The following ADGRL4 variants were observed in gnomAD, a reference collection of about 807,000 sequenced individuals.
ADGRL4 encodes the protein adhesion G protein-coupled receptor L4.
In ADGRL4, 90 loss-of-function variants were observed where a neutral mutation model predicts 74.8. That is an observed-to-expected ratio of 1.20 (90% CI 1.02 to 1.43). ADGRL4 has a LOEUF of 1.43. Among genes scored for constraint, ADGRL4 ranks in the 40% most tolerant of loss-of-function variants. The pLI is 0.00. For missense variants in ADGRL4, 881 were observed against 814.3 expected, an observed-to-expected ratio of 1.08 and a Z score of -1.00; for synonymous variants, 311 against 279.2, an observed-to-expected ratio of 1.11 and a Z score of -1.14.
intron 2 of ADGRL4, among the ~76,000 whole-genome samples, chr1:78,959,211 G>C (rs1312430121): frequency 3.9e-5 from 6 of 152,018 alleles, no homozygotes; most frequent in African/African-American, 1.4e-4. Flanking sequence ...ATATCTCTGA[G>C]GTATGCCTTT....
At chr1:78,989,779 T>G (rs1420734364) in intron 2 of ADGRL4, among the ~76,000 whole-genome samples, 1 of 151,994 alleles carries the variant, frequency 6.6e-6, no homozygotes, top group African/African-American at 2.4e-5. Flanking sequence ...ATGTAACAGT[T>G]ATCACTTATT....
intron 2 of ADGRL4, among the ~76,000 whole-genome samples, chr1:78,961,220 C>G (rs1321992719): frequency 6.6e-6 from 1 of 151,640 alleles, no homozygotes; most frequent in South Asian, 2.1e-4. Flanking sequence ...TAGCTGGGTG[C>G]CAACCTCTGA....
intron 2 of ADGRL4, among the ~76,000 whole-genome samples, chr1:78,974,954 G>C (rs1481859731): frequency 6.6e-6 from 1 of 152,096 alleles, no homozygotes; most frequent in African/African-American, 2.4e-5. Context: ...TAGTTTTTGA[G>C]AATTAAGGAA....
chr1:78,960,341 A>G (rs1046560175), intron 2 of ADGRL4, among the ~76,000 whole-genome samples: 3 of 152,168 alleles, frequency 2.0e-5, no homozygotes, highest in African/African-American at 7.2e-5. Context: ...ATCTAAAATT[A>G]TCACACAAAC....
At chr1:78,938,305 G>A (rs906178277) in intron 4 of ADGRL4, 26 bp from the exon 5 acceptor site, 46 of 1,523,666 alleles carry the variant, frequency 3.0e-5, no homozygotes, top group Non-Finnish European at 3.8e-5. Flanking sequence ...TCCAGAAAAA[G>A]GAAACTAAAT....
At chr1:78,905,261 T>C (rs1004006823) in intron 12 of ADGRL4, among the ~76,000 whole-genome samples, 2 of 152,070 alleles carry the variant, frequency 1.3e-5, no homozygotes, top group African/African-American at 4.8e-5. Flanking sequence ...TGGGGTAGAA[T>C]TGTAATTTGT....
chr1:78,929,110 C>A (rs1394319047), intron 7 of ADGRL4, among the ~76,000 whole-genome samples: 1 of 151,462 alleles, frequency 6.6e-6, no homozygotes, highest in Non-Finnish European at 1.5e-5. Flanking sequence ...TAACAAAAGT[C>A]TATTATCTTT....
Position 78,977,073 on chromosome 1 carries a change from T to C in ADGRL4, c.172+27997A>G, listed in dbSNP as rs555687516. 5.3e-5 allele frequency among the ~76,000 whole-genome samples: 8 copies of C among 151,806 alleles called. No individual in the cohort carries two copies. In the South Asian group the frequency reaches 8.3e-4, roughly 16 times the overall value. On this transcript the variant is annotated intron_variant, in intron 2 of 14. Coordinates refer to ENST00000370742, the MANE Select transcript of ADGRL4 (RefSeq NM_022159.4). ...TACATACAAAGCACCATGACTAAGTTGGGTTTATCTCAAGGGTGTTAGCAT... is the reference window on the plus strand; with the variant it reads ...TACATACAAAGCACCATGACTAAGTCGGGTTTATCTCAAGGGTGTTAGCAT...
rs1279544174 is a variant in ADGRL4, at chr1:79,006,676, C to A, written c.-22G>T. 1 of 1,486,498 alleles carries A rather than the reference C, an allele frequency of 6.7e-7. No homozygotes were observed. The highest frequency in any genetic ancestry group is 8.9e-7 in the Non-Finnish European group (1 of 1,120,148). The allele number at this position is 1,486,498 out of a possible 1,614,324, so 92.1% of individuals were successfully genotyped here. The stretch of plus-strand genomic sequence containing the variant: ...TCATTGGCGGTGGCCGCAGTGGTGG[C>A]GGTGGCGGAGAGCGCGGCGGAGTGA... On this transcript the variant is annotated 5_prime_UTR_variant, in exon 1 of 15. Transcript: ENST00000370742.
chr1:78,960,853 C>T (rs966514877), intron 2 of ADGRL4, among the ~76,000 whole-genome samples: 1 of 152,080 alleles, frequency 6.6e-6, no homozygotes, highest in Admixed American at 6.5e-5. Context: ...GTGCTTTGAT[C>T]GTAGACTTTA....
At chr1:78,960,056 A>G (rs1024786775) in intron 2 of ADGRL4, among the ~76,000 whole-genome samples, 9 of 152,220 alleles carry the variant, frequency 5.9e-5, no homozygotes, top group African/African-American at 1.7e-4. Flanking sequence ...CTGCAGTTTA[A>G]GAAGTGAAAC....
intron 8 of ADGRL4, among the ~76,000 whole-genome samples, chr1:78,925,203 G>A (rs1284725064): frequency 6.6e-6 from 1 of 151,998 alleles, no homozygotes; most frequent in African/African-American, 2.4e-5. Context: ...GAGGAAGGCT[G>A]CAGGGGCTTG....
chr1:78,896,882 C>T (rs1648410505), intron 12 of ADGRL4, among the ~76,000 whole-genome samples: 3 of 152,152 alleles, frequency 2.0e-5, no homozygotes, highest in Non-Finnish European at 4.4e-5. Context: ...TTGACCACTT[C>T]ACTCCACTCA....
chr1:78,935,297 C>G (rs1169978041), intron 7 of ADGRL4, among the ~76,000 whole-genome samples: 1 of 152,080 alleles, frequency 6.6e-6, no homozygotes, highest in Non-Finnish European at 1.5e-5. Context: ...AGCAAACTAA[C>G]ACAGGAACAG....
At chr1:78,992,812 T>C (rs569194462) in intron 2 of ADGRL4, among the ~76,000 whole-genome samples, 37 of 152,232 alleles carry the variant, frequency 2.4e-4, no homozygotes, top group African/African-American at 7.9e-4. Context: ...AGCTATATAA[T>C]ATATACTGTA....
Position 78,939,233 on chromosome 1 carries a change from T to G in ADGRL4, c.351A>C (p.Leu117Phe), listed in dbSNP as rs1406499696. The change falls in exon 4 of 15, where the codon TTA becomes TTC. Residue 117 changes from leucine to phenylalanine, a missense_variant. Transcript: ENST00000370742. Reference protein sequence around the residue: ...CIENVNANCHLDNVCIAANIN... With the variant: ...CIENVNANCHFDNVCIAANIN... ...TATTTGCAGCTATACAGACATTATC[T>G]AAATGGCAGTTTGCATTCACATTTT... 6.4e-7 allele frequency: 1 copy of G among 1,566,870 alleles called. No individual in the cohort carries two copies. Among genetic ancestry groups the G allele is most frequent in the African/African-American group, 1.4e-5 (1 of 72,946 alleles).
In ADGRL4 at chr1:78,920,277, T is replaced by G; in HGVS notation, c.1367A>C (p.Gln456Pro). The change falls in exon 10 of 15, where the codon CAA becomes CCA. Residue 456 changes from glutamine (Q) to proline (P), a missense_variant. Coordinates refer to ENST00000370742, the MANE Select transcript of ADGRL4 (RefSeq NM_022159.4). Reference sequence around the variant, plus strand: ...TTTGTGAATTGTTGTCCTGGTGCTTTGAATTTCACTGAAGAACCAGAAGGT... The same window carrying G: ...TTTGTGAATTGTTGTCCTGGTGCTTGGAATTTCACTGAAGAACCAGAAGGT... Reference protein sequence around the residue: ...IFTFWFFSEIQSTRTTIHKNL... With the variant: ...IFTFWFFSEIPSTRTTIHKNL... 1 of 1,612,036 alleles carries G rather than the reference T, an allele frequency of 6.2e-7. No individual in the cohort carries two copies. The highest frequency in any genetic ancestry group is 8.5e-7 in the Non-Finnish European group (1 of 1,178,744).
chr1:78,953,148 T>C (rs1004726286), intron 2 of ADGRL4, among the ~76,000 whole-genome samples: 1 of 152,180 alleles, frequency 6.6e-6, no homozygotes, highest in Non-Finnish European at 1.5e-5. Context: ...AAACCACTTA[T>C]CTTGACCATT....
chr1:78,902,488 A>G (rs1463940127), intron 12 of ADGRL4, among the ~76,000 whole-genome samples: 1 of 152,154 alleles, frequency 6.6e-6, no homozygotes, highest in Admixed American at 6.6e-5. Flanking sequence ...AACTTGCCCA[A>G]GGTAATACAA....
Sources: gnomAD v4.1 joint callset for allele counts (sites outside exome capture counted in the v4.1 genomes callset) on GRCh38, gnomAD v4.1.1 for gene constraint, MANE v1.5 for transcripts, NCBI Gene and HGNC (gene_info 2026-07-23, HGNC 2026-07-21) for gene names.